Variants in FGGY observed in about 807,000 individuals in gnomAD.
FGGY encodes FGGY carbohydrate kinase domain containing, also known as FGGY carbohydrate kinase domain-containing protein.
A neutral mutation model predicts 71.3 loss-of-function variants in FGGY; 72 were observed. The ratio of observed to expected loss-of-function variants is 1.01; its 90% CI spans 0.84 to 1.23. The LOEUF (loss-of-function observed/expected upper bound fraction) is 1.23, where lower values mean the gene tolerates loss of function less well. Among genes scored for constraint, FGGY ranks in the 50% most tolerant of loss-of-function variants. FGGY has a pLI of 0.00. For missense variants in FGGY, 668 were observed against 682.3 expected (o/e 0.98, Z 0.23); for synonymous variants, 251 against 250.3 (o/e 1.00, Z -0.02).
intron 14 of FGGY, among the ~76,000 whole-genome samples, chr1:59,678,404 T>C (rs2153984867): frequency 6.6e-6 from 1 of 152,312 alleles, no homozygotes; most frequent in South Asian, 2.1e-4. Flanking sequence ...GAGTGTTCCA[T>C]AACACTTCTC....
chr1:59,694,969 T>G (rs2097644718), intron 14 of FGGY, among the ~76,000 whole-genome samples: 1 of 152,236 alleles, frequency 6.6e-6, no homozygotes, highest in Admixed American at 6.5e-5. Context: ...ATGGAGCATC[T>G]TACTTTGCTA....
intron 1 of FGGY, chr1:59,316,397 A>C (rs185853286): frequency 1.2e-4 from 19 of 152,310 alleles, no homozygotes; most frequent in Admixed American, 1.2e-3. Context: ...GATGCTTCAG[A>C]GGGAAAGAAG....
chr1:59,319,705 C>T (rs2046052278), intron 1 of FGGY, among the ~76,000 whole-genome samples: 1 of 152,154 alleles, frequency 6.6e-6, no homozygotes, highest in South Asian at 2.1e-4. Flanking sequence ...TTGAGGATGT[C>T]TGTAGCCTGG....
chr1:59,589,981 AAATT>A (rs2096397200), intron 8 of FGGY, among the ~76,000 whole-genome samples: 1 of 152,260 alleles, frequency 6.6e-6, no homozygotes, highest in Admixed American at 6.5e-5. Context: ...ACCCTTCAAA[AAATT>A]AATGAATCTA....
chr1:59,552,153 G>A (rs2095618165), intron 7 of FGGY, among the ~76,000 whole-genome samples: 1 of 152,174 alleles, frequency 6.6e-6, no homozygotes, highest in Non-Finnish European at 1.5e-5. Context: ...AGCCGATGCT[G>A]GAGCCATGGC....
intron 7 of FGGY, among the ~76,000 whole-genome samples, chr1:59,515,613 G>A (rs1456074549): frequency 6.6e-6 from 1 of 152,120 alleles, no homozygotes; most frequent in African/African-American, 2.4e-5. Flanking sequence ...TTAGGGGGAG[G>A]GAATTGAATC....
intron 4 of FGGY, among the ~76,000 whole-genome samples, chr1:59,372,400 A>C (rs1266695876): frequency 6.6e-6 from 1 of 152,246 alleles, no homozygotes; most frequent in Non-Finnish European, 1.5e-5. Flanking sequence ...CAGGCTCTGA[A>C]ATTGTGGCAA....
intron 4 of FGGY, among the ~76,000 whole-genome samples, chr1:59,365,471 A>T (rs1304955011): frequency 6.6e-6 from 1 of 152,134 alleles, no homozygotes; most frequent in African/African-American, 2.4e-5. Context: ...CATAGATGGT[A>T]CCACCCACAA....
At chr1:59,742,026 C>G (rs1410426754) in intron 14 of FGGY, among the ~76,000 whole-genome samples, 4 of 151,948 alleles carry the variant, frequency 2.6e-5, no homozygotes, top group African/African-American at 9.7e-5. Flanking sequence ...ATCAGTTTAA[C>G]CCAGAAGTTC....
intron 10 of FGGY, among the ~76,000 whole-genome samples, chr1:59,632,827 G>A (rs1455704066): frequency 6.6e-6 from 1 of 152,062 alleles, no homozygotes; most frequent in Non-Finnish European, 1.5e-5. Context: ...GATAACTGGG[G>A]TGTTGAGTCT....
Position 59,436,416 on chromosome 1 carries a change from A to G in FGGY, c.555-20545A>G, listed in dbSNP as rs1455106928. Among the ~76,000 whole-genome samples the G allele has an allele frequency of 3.3e-5, 5 of 151,840 alleles. No individual in the cohort carries two copies. The East Asian group carries it at 9.7e-4, about 29-fold the overall frequency. ...TCAAGTGCCCCTCATTGCATTTATC[A>G]TGGTTGTAACTCTATAGTTATTTTT... On this transcript the variant is annotated intron_variant, in intron 5 of 15. Transcript: ENST00000303721.
chr1:59,674,200 C>A, intron 14 of FGGY, 67 bp downstream of exon 14: 1 of 1,210,418 alleles, frequency 8.3e-7, no homozygotes. Context: ...CTCTTGACAG[C>A]AGCTCGCATT....
At chr1:59,308,507 G>A (rs985422998) in intron 1 of FGGY, among the ~76,000 whole-genome samples, 1 of 152,188 alleles carries the variant, frequency 6.6e-6, no homozygotes, top group African/African-American at 2.4e-5. Context: ...AGCAGGTTTT[G>A]TGTGTGTTTC....
At chr1:59,556,853 G>A (rs934550572) in intron 8 of FGGY, among the ~76,000 whole-genome samples, 2 of 152,132 alleles carry the variant, frequency 1.3e-5, no homozygotes, top group South Asian at 2.1e-4. Context: ...GGGCTTTAAC[G>A]AGTTTGATGG....
chr1:59,502,150 G>A (rs2094245219), intron 6 of FGGY, among the ~76,000 whole-genome samples: 1 of 152,200 alleles, frequency 6.6e-6, no homozygotes, highest in Non-Finnish European at 1.5e-5. Context: ...CCCTGTGAGT[G>A]ATAAAGCCAC....
chr1:59,710,468 G>A (rs2097785965), intron 14 of FGGY, among the ~76,000 whole-genome samples: 1 of 152,136 alleles, frequency 6.6e-6, no homozygotes, highest in Admixed American at 6.6e-5. Flanking sequence ...AAACTAAAGA[G>A]CTTCTGCACA....
intron 5 of FGGY, among the ~76,000 whole-genome samples, chr1:59,421,771 C>T (rs2065476304): frequency 6.6e-6 from 1 of 152,164 alleles, no homozygotes; most frequent in Non-Finnish European, 1.5e-5. Flanking sequence ...CATGCCTTGA[C>T]CTCTGAGTAG....
chr1:59,436,112 A>G (rs1023033547), intron 5 of FGGY, among the ~76,000 whole-genome samples: 1 of 152,100 alleles, frequency 6.6e-6, no homozygotes, highest in African/African-American at 2.4e-5. Flanking sequence ...TACCATGGAC[A>G]ATGAATCTTG....
At position 59,433,775 on chromosome 1, in the gene FGGY, C is replaced by T. The variant is rs981578603; in HGVS notation, c.555-23186C>T. ...AGCTCCGTTGTCATGATTTTCCCAC[C>T]GTCTAAGCCAGTGTAGGTTACGTTA... On this transcript the variant is annotated intron_variant, in intron 5 of 15. Coordinates refer to ENST00000303721, the MANE Select transcript of FGGY (RefSeq NM_018291.5). Among the ~76,000 whole-genome samples the T allele has an allele frequency of 3.3e-5, 5 of 152,166 alleles. No homozygotes were observed. In the East Asian group the frequency reaches 5.8e-4, roughly 18 times the overall value.
Sources: allele counts gnomAD v4.1 joint callset (sites outside exome capture counted in the v4.1 genomes callset), GRCh38; gene constraint gnomAD v4.1.1; transcripts MANE v1.5; gene names NCBI Gene and HGNC (gene_info 2026-07-23, HGNC 2026-07-21).